RNF17: variants seen among roughly 807,000 people sequenced by gnomAD.
RNF17 encodes ring finger protein 17, also known as spermatogenesis associated 23.
A neutral mutation model predicts 200.5 loss-of-function variants in RNF17; 31 were observed. The observed-to-expected ratio is 0.15, with a 90% confidence interval of 0.12 to 0.21. The LOEUF (loss-of-function observed/expected upper bound fraction) is 0.21, where lower values mean the gene tolerates loss of function less well. Among genes scored for constraint, RNF17 ranks in the 10% least tolerant of loss-of-function variants. The pLI, the probability that RNF17 is intolerant of heterozygous loss-of-function variation, is 1.00. For missense variants in RNF17, 1,628 were observed against 1,905.1 expected (o/e 0.85, Z 2.71); for synonymous variants, 606 against 637.8 (o/e 0.95, Z 0.75).
In RNF17 at chr13:24,781,897, A is replaced by C. The variant is rs1000447694; in HGVS notation, c.564A>C (p.Glu188Asp). Residue 188 changes from glutamate (E) to aspartate (D), a missense_variant, in exon 6 of 36, where the codon GAA becomes GAC. Transcript: ENST00000255324. ...QTIEERERVI[E>D]VVEKQFDQLL... ...TAGAGGAAAGAGAAAGAGTTATAGA[A>C]GTTGTGGAGAAACAGTTTGACCAAC... 2 of 1,613,314 alleles carry C rather than the reference A, an allele frequency of 1.2e-6. No homozygotes were observed. Among genetic ancestry groups the C allele is most frequent in the Admixed American group, 3.3e-5 (2 of 59,912 alleles).
At chr13:24,841,115 G>A (rs1890591368) in intron 18 of RNF17, among the ~76,000 whole-genome samples, 1 of 152,088 alleles carries the variant, frequency 6.6e-6, no homozygotes, top group Non-Finnish European at 1.5e-5. Flanking sequence ...ATTTCCCTGT[G>A]CAAAGTACCA....
At chr13:24,788,931 A>T (rs1333582005) in intron 7 of RNF17, among the ~76,000 whole-genome samples, 2 of 152,170 alleles carry the variant, frequency 1.3e-5, no homozygotes, top group Non-Finnish European at 2.9e-5. Flanking sequence ...CTACTTGGCT[A>T]GGTGTCCCAG....
chr13:24,879,445 A>G, intron 35 of RNF17, 150 bp downstream of exon 35: 1 of 607,102 alleles, frequency 1.6e-6, no homozygotes, highest in South Asian at 2.0e-5. Flanking sequence ...CTTCTCACCT[A>G]TTCAGCACTA....
Position 24,862,738 on chromosome 13 carries a change from C to A in RNF17, c.3920C>A (p.Ala1307Glu), listed in dbSNP as rs147398360. Reference sequence around the variant, plus strand: ...GTTGGGAATGTCTGGCAACCAGATGCAATAGAAGTTCTTCAACAACTGCTT... The same window carrying A: ...GTTGGGAATGTCTGGCAACCAGATGAAATAGAAGTTCTTCAACAACTGCTT... ...TPVGNVWQPD[A>E]IEVLQQLLSK... Residue 1307 changes from alanine to glutamate, a missense_variant, in exon 28 of 36, where the codon GCA becomes GAA. Around this residue, in one of 5 missense-constraint regions of RNF17, gnomAD observed 609 missense variants for 681.9 expected, o/e 0.89. Coordinates refer to ENST00000255324, the MANE Select transcript of RNF17 (RefSeq NM_031277.3). 2.0e-5 allele frequency: 32 copies of A among 1,608,396 alleles called. No individual in the cohort carries two copies. Among genetic ancestry groups the A allele is most frequent in the Non-Finnish European group, 2.6e-5 (31 of 1,175,262 alleles).
At chr13:24,836,971 T>G (rs1339641895) in intron 18 of RNF17, among the ~76,000 whole-genome samples, 1 of 152,122 alleles carries the variant, frequency 6.6e-6, no homozygotes, top group Non-Finnish European at 1.5e-5. Context: ...ATCTCCTGCC[T>G]TCAGGAGACT....
At chr13:24,815,431 GTGTGT>G (rs1566172093) in intron 15 of RNF17, among the ~76,000 whole-genome samples, 1,061 of 11,518 alleles carry the variant, frequency 0.092, 22 homozygotes, top group African/African-American at 0.19. Context: ...CTAACGGGGT[GTGTGT>G]GTGTGTGTGT....
chr13:24,841,670 T>C (rs1474983927), intron 18 of RNF17, among the ~76,000 whole-genome samples: 2 of 152,128 alleles, frequency 1.3e-5, no homozygotes, highest in Non-Finnish European at 1.5e-5. Flanking sequence ...AAAAATTGCC[T>C]CATTTAGGCT....
chr13:24,874,414 CTT>C (rs67456137), intron 33 of RNF17, among the ~76,000 whole-genome samples, 165 bp downstream of exon 33: 7 of 137,196 alleles, frequency 5.1e-5, no homozygotes, highest in Non-Finnish European at 3.1e-5. Context: ...ACCATTGTAG[CTT>C]TTTTTTTTTT....
chr13:24,867,310 A>C (rs959865602), intron 30 of RNF17, among the ~76,000 whole-genome samples: 2 of 152,158 alleles, frequency 1.3e-5, no homozygotes, highest in Non-Finnish European at 2.9e-5. Context: ...AAAGGCATGG[A>C]CCACCACATC....
At chr13:24,769,887 A>G (rs1032831389) in intron 2 of RNF17, among the ~76,000 whole-genome samples, 2 of 152,100 alleles carry the variant, frequency 1.3e-5, no homozygotes, top group African/African-American at 4.8e-5. Context: ...TGATAGTTGA[A>G]TGGTTTTTGA....
chr13:24,774,870 G>A lies in RNF17; in HGVS notation c.283G>A (p.Glu95Lys), dbSNP rs868170802. The change falls in exon 3 of 36, where the codon GAA becomes AAA. Residue 95 changes from glutamate (E) to lysine (K), a missense_variant. Physicochemically the swap from Glu to Lys is moderately conservative, Grantham distance 56. This residue lies in a region of RNF17 where 502 missense variants were observed against 501.7 expected (regional missense o/e 1.00). Coordinates refer to ENST00000255324, the MANE Select transcript of RNF17 (RefSeq NM_031277.3). ...RYYPMAGYIK[E>K]DSIMEKLQPK... ...CTACCCAATGGCTGGATATATTAAG[G>A]AAGACTCCATAATGGAAAAACTGCA... is the stretch of plus-strand genomic sequence containing the variant. 6.2e-7 allele frequency: 1 copy of A among 1,611,714 alleles called. No individual in the cohort carries two copies. Among genetic ancestry groups the A allele is most frequent in the Non-Finnish European group, 8.5e-7 (1 of 1,178,070 alleles).
chr13:24,872,096 G>A (rs545069240), intron 32 of RNF17, among the ~76,000 whole-genome samples: 1 of 148,876 alleles, frequency 6.7e-6, no homozygotes, highest in South Asian at 2.1e-4. Context: ...AGCCTCCCAA[G>A]TAGACAGGCA....
At chr13:24,757,075 G>A in the RNF17 span, among the ~76,000 whole-genome samples, 1 of 152,062 alleles carries the variant, frequency 6.6e-6, no homozygotes, top group African/African-American at 2.4e-5. Flanking sequence ...CAATCATTTA[G>A]GTCTAACTGG....
intron 6 of RNF17, among the ~76,000 whole-genome samples, chr13:24,786,313 C>A (rs919522607): frequency 6.6e-6 from 1 of 152,064 alleles, no homozygotes; most frequent in African/African-American, 2.4e-5. Flanking sequence ...TACAAATCTG[C>A]CCCCCTTTAT....
intron 15 of RNF17, among the ~76,000 whole-genome samples, chr13:24,805,215 A>C (rs1220302577): frequency 6.6e-6 from 1 of 152,200 alleles, no homozygotes; most frequent in Non-Finnish European, 1.5e-5. Context: ...GGTAAAATAT[A>C]CATAATATAA....
chr13:24,832,464 C>T (rs1041474390), intron 18 of RNF17, among the ~76,000 whole-genome samples: 3 of 152,130 alleles, frequency 2.0e-5, no homozygotes, highest in African/African-American at 7.2e-5. Context: ...TGACCACTAG[C>T]CCACGATTTT....
chr13:24,771,774 G>A (rs1880751896), intron 2 of RNF17, among the ~76,000 whole-genome samples: 1 of 151,996 alleles, frequency 6.6e-6, no homozygotes, highest in African/African-American at 2.4e-5. Context: ...GGGAGGCTGA[G>A]GTGGGTGGAT....
intron 6 of RNF17, among the ~76,000 whole-genome samples, chr13:24,782,915 C>A (rs1337110945): frequency 1.3e-5 from 2 of 152,046 alleles, no homozygotes; most frequent in East Asian, 3.9e-4. Flanking sequence ...TTATGAAGTC[C>A]AGTTTATTGT....
At chr13:24,789,529 A>T in intron 8 of RNF17, 105 bp downstream of exon 8, 1 of 975,826 alleles carries the variant, frequency 1.0e-6, no homozygotes, top group Non-Finnish European at 1.6e-6. Context: ...TGGGTCACAA[A>T]TGTTTACTAA....
Sources: gnomAD v4.1 joint callset for allele counts (sites outside exome capture counted in the v4.1 genomes callset) on GRCh38, gnomAD v4.1.1 for gene constraint, gnomAD v4.1.1 regional missense constraint, MANE v1.5 for transcripts, NCBI Gene and HGNC (gene_info 2026-07-23, HGNC 2026-07-21) for gene names.